CSMD3: variants seen among roughly 807,000 people sequenced by gnomAD.
CSMD3 encodes the protein CUB and sushi domain-containing protein 3.
A neutral mutation model predicts 435.2 loss-of-function variants in CSMD3; 177 were observed. The ratio of observed to expected loss-of-function variants is 0.41; its 90% CI spans 0.36 to 0.46. The LOEUF is 0.46. CSMD3 is among the 20% of genes least tolerant of loss of function. The pLI is 0.34. For synonymous variants in CSMD3, 1,656 were observed against 1,520.5 expected, an observed-to-expected ratio of 1.09 and a Z score of -2.07; for missense variants, 4,265 against 4,504.6, an observed-to-expected ratio of 0.95 and a Z score of 1.52.
intron 23 of CSMD3, among the ~76,000 whole-genome samples, chr8:112,581,052 T>C (rs1465194219): frequency 1.3e-5 from 2 of 152,144 alleles, no homozygotes; most frequent in East Asian, 3.9e-4. Flanking sequence ...ATTACATGAA[T>C]ATTCACTGAA....
chr8:113,037,376 T>C (rs1504340), intron 5 of CSMD3, among the ~76,000 whole-genome samples: 100,424 of 151,918 alleles, frequency 0.66, 34,504 homozygotes, highest in East Asian at 0.95. Flanking sequence ...AATGTATATA[T>C]TATGCATTTG....
Position 112,295,951 on chromosome 8 carries a change from A to C in CSMD3, c.8496T>G (p.Asn2832Lys), listed in dbSNP as rs1279520607. The C allele has an allele frequency of 6.2e-7, 1 of 1,613,646 alleles. No individual in the cohort carries two copies. The highest frequency in any genetic ancestry group is 2.2e-5 in the East Asian group (1 of 44,812). Reference sequence around the variant, plus strand: ...ATACAACTGTGTCTCTATATCCATAATTTTCTCCAATGACTTGACCATTCA... The same window carrying C: ...ATACAACTGTGTCTCTATATCCATACTTTTCTCCAATGACTTGACCATTCA... ...LIVNGQVIGE[N>K]YGYRDTVVYQ... is the part of the protein sequence containing the mutation. The change falls in exon 54 of 71, where the codon AAT becomes AAG. Residue 2832 changes from asparagine (N) to lysine (K), a missense_variant. Coordinates refer to ENST00000297405, the MANE Select transcript of CSMD3 (RefSeq NM_198123.2).
chr8:112,628,354 C>A (rs963800345), intron 22 of CSMD3, among the ~76,000 whole-genome samples: 1 of 151,582 alleles, frequency 6.6e-6, no homozygotes, highest in African/African-American at 2.4e-5. Context: ...TCATAAGCTT[C>A]TTCTTAGTAG....
intron 1 of CSMD3, among the ~76,000 whole-genome samples, chr8:113,416,765 A>G (rs1225471506): frequency 6.6e-6 from 1 of 152,096 alleles, no homozygotes; most frequent in East Asian, 1.9e-4. Flanking sequence ...TGGTCCTATT[A>G]TTTTTACTAA....
chr8:112,374,589 T>C (rs559980650), intron 38 of CSMD3, among the ~76,000 whole-genome samples: 12 of 152,218 alleles, frequency 7.9e-5, no homozygotes, highest in African/African-American at 2.7e-4. Context: ...ATTATTTTTC[T>C]ATATCTTTAA....
intron 5 of CSMD3, among the ~76,000 whole-genome samples, chr8:113,026,244 T>A (rs575742855): frequency 4.6e-5 from 7 of 152,136 alleles, no homozygotes; most frequent in Non-Finnish European, 1.0e-4. Flanking sequence ...GTCTCTCCCA[T>A]CCCCAAGCTC....
intron 5 of CSMD3, among the ~76,000 whole-genome samples, chr8:113,041,578 A>G (rs772930250): frequency 1.3e-5 from 2 of 152,128 alleles, no homozygotes; most frequent in Admixed American, 6.6e-5. Flanking sequence ...AGGGATTTGG[A>G]ATAGCCTAAT....
intron 1 of CSMD3, among the ~76,000 whole-genome samples, chr8:113,411,005 A>C (rs1020856956): frequency 6.6e-6 from 1 of 151,404 alleles, no homozygotes; most frequent in Non-Finnish European, 1.5e-5. Flanking sequence ...AGAAAGAAAG[A>C]AAAGAAAGAA....
intron 63 of CSMD3, among the ~76,000 whole-genome samples, chr8:112,251,322 A>G (rs1445335353): frequency 6.6e-6 from 1 of 151,808 alleles, no homozygotes; most frequent in Non-Finnish European, 1.5e-5. Flanking sequence ...TATGTAAATT[A>G]AAATAAATAA....
At chr8:112,342,968 G>GTGTTT in intron 41 of CSMD3, among the ~76,000 whole-genome samples, 1 of 86,886 alleles carries the variant, frequency 1.2e-5, no homozygotes, top group Non-Finnish European at 2.4e-5. Flanking sequence ...CTCTTGAAAT[G>GTGTTT]TATTATATAT....
intron 22 of CSMD3, among the ~76,000 whole-genome samples, chr8:112,607,684 TA>T (rs1181052818): frequency 1.3e-5 from 2 of 152,160 alleles, no homozygotes; most frequent in Non-Finnish European, 2.9e-5. Context: ...AAACATGATA[TA>T]TTACATTAAC....
At chr8:113,198,397 T>C (rs1474491099) in intron 3 of CSMD3, among the ~76,000 whole-genome samples, 1 of 151,334 alleles carries the variant, frequency 6.6e-6, no homozygotes, top group African/African-American at 2.4e-5. Flanking sequence ...AATTGATTCA[T>C]ATTCCAGCTT....
chr8:112,736,315 T>C (rs775372778), intron 13 of CSMD3, among the ~76,000 whole-genome samples: 5 of 151,994 alleles, frequency 3.3e-5, no homozygotes, highest in Non-Finnish European at 5.9e-5. Context: ...CCTTTGTTGG[T>C]TCCTGGTAAC....
chr8:112,557,831 G>C (rs1265192059), intron 24 of CSMD3, among the ~76,000 whole-genome samples: 2 of 151,920 alleles, frequency 1.3e-5, no homozygotes, highest in African/African-American at 4.8e-5. Flanking sequence ...TGAGTTTTGT[G>C]AGCATTCTAG....
intron 1 of CSMD3, among the ~76,000 whole-genome samples, chr8:113,387,034 C>T (rs1486234749): frequency 6.6e-6 from 1 of 151,788 alleles, no homozygotes; most frequent in African/African-American, 2.4e-5. Flanking sequence ...AGCCAAGGAA[C>T]ATTTTGAATT....
intron 23 of CSMD3, among the ~76,000 whole-genome samples, chr8:112,586,027 T>C (rs1266829448): frequency 6.6e-6 from 1 of 151,692 alleles, no homozygotes; most frequent in African/African-American, 2.4e-5. Flanking sequence ...CCTAGATTAA[T>C]GTTGAAATTG....
intron 44 of CSMD3, 80 bp downstream of exon 44, chr8:112,336,572 G>A (rs1016300627): frequency 9.3e-7 from 1 of 1,075,832 alleles, no homozygotes; most frequent in Non-Finnish European, 1.4e-6. Context: ...TTGTAACAGA[G>A]GATTGTGATA....
At chr8:112,462,400 C>T (rs543584084) in intron 32 of CSMD3, among the ~76,000 whole-genome samples, 1 of 152,324 alleles carries the variant, frequency 6.6e-6, no homozygotes, top group South Asian at 2.1e-4. Context: ...TGTTCCTGCA[C>T]TATATTTTTC....
intron 4 of CSMD3, among the ~76,000 whole-genome samples, chr8:113,153,126 A>G (rs565275031): frequency 3.1e-5 from 2 of 64,086 alleles, no homozygotes; most frequent in South Asian, 1.1e-3. Context: ...AGAAAGAAAG[A>G]GAAAGAAGGA....
Sources: gnomAD v4.1 joint callset for allele counts (sites outside exome capture counted in the v4.1 genomes callset) on GRCh38, gnomAD v4.1.1 for gene constraint, MANE v1.5 for transcripts, NCBI Gene and HGNC (gene_info 2026-07-23, HGNC 2026-07-21) for gene names.